Variants in CDH13 observed in about 807,000 individuals in gnomAD.
CDH13 encodes cadherin 13.
A neutral mutation model predicts 63.8 loss-of-function variants in CDH13; 24 were observed. The ratio of observed to expected loss-of-function variants is 0.38; its 90% CI spans 0.27 to 0.53. The LOEUF is 0.53. Ranked by LOEUF, CDH13 falls within the 20% of genes least tolerant of loss-of-function variation. The pLI, the probability that CDH13 is intolerant of heterozygous loss-of-function variation, is 0.85. For synonymous variants in CDH13, 503 were observed against 355.3 expected, an observed-to-expected ratio of 1.42 and a Z score of -4.67; for missense variants, 1,049 against 903.1, an observed-to-expected ratio of 1.16 and a Z score of -2.07.
intron 4 of CDH13, among the ~76,000 whole-genome samples, chr16:83,207,044 G>C (rs1014229113): frequency 1.3e-5 from 2 of 152,200 alleles, no homozygotes; most frequent in East Asian, 1.9e-4. Flanking sequence ...AGTTTAATCA[G>C]TTAATACTAG....
chr16:82,819,944 G>T (rs1047651564), intron 1 of CDH13, among the ~76,000 whole-genome samples: 1 of 152,128 alleles, frequency 6.6e-6, no homozygotes, highest in Non-Finnish European at 1.5e-5. Context: ...GGGATCCTAG[G>T]TGGAGCAACT....
At position 82,915,122 on chromosome 16, in the gene CDH13, G is replaced by A. The variant is rs1442615907; in HGVS notation, c.157+56649G>A. Reference sequence around the variant, plus strand: ...CTGAGACAGCTTAAACAGAACTCAAGCCTGGATGCTCTCTGCAAAATGGTC... The same window carrying A: ...CTGAGACAGCTTAAACAGAACTCAAACCTGGATGCTCTCTGCAAAATGGTC... On this transcript the variant is annotated intron_variant, in intron 2 of 13. Transcript: ENST00000567109. 2.0e-5 allele frequency among the ~76,000 whole-genome samples: 3 copies of A among 152,220 alleles called. No individual in the cohort carries two copies. The East Asian group carries it at 5.8e-4, about 29-fold the overall frequency.
At chr16:83,671,081 C>G in intron 9 of CDH13, 109 bp downstream of exon 9, 1 of 925,154 alleles carries the variant, frequency 1.1e-6, no homozygotes, top group Non-Finnish European at 1.6e-6. Flanking sequence ...TTCCCCCAGT[C>G]TCCTCCTTCT....
chr16:83,523,963 C>A (rs910436321), intron 7 of CDH13, among the ~76,000 whole-genome samples: 1 of 152,170 alleles, frequency 6.6e-6, no homozygotes, highest in Non-Finnish European at 1.5e-5. Flanking sequence ...CCTGGGCAAC[C>A]AAAGTCCCCA....
chr16:82,841,014 G>C (rs564079174), intron 1 of CDH13, among the ~76,000 whole-genome samples: 6 of 152,306 alleles, frequency 3.9e-5, no homozygotes, highest in African/African-American at 1.4e-4. Context: ...TTGACTATGA[G>C]GCAAACAGCA....
intron 5 of CDH13, among the ~76,000 whole-genome samples, chr16:83,317,787 G>A (rs966671676): frequency 2.0e-5 from 3 of 150,966 alleles, no homozygotes; most frequent in African/African-American, 4.9e-5. Flanking sequence ...GTGACAAAGC[G>A]AGACTCTGTC....
At chr16:83,375,990 T>C (rs1306032219) in intron 6 of CDH13, among the ~76,000 whole-genome samples, 1 of 152,160 alleles carries the variant, frequency 6.6e-6, no homozygotes, top group Non-Finnish European at 1.5e-5. Flanking sequence ...TTGCATCAGC[T>C]CATTTATTTA....
chr16:83,239,322 T>G (rs1180570919), intron 5 of CDH13, among the ~76,000 whole-genome samples: 1 of 152,176 alleles, frequency 6.6e-6, no homozygotes, highest in Non-Finnish European at 1.5e-5. Context: ...GCCTGGGCAC[T>G]TTGTCAAGGG....
intron 7 of CDH13, among the ~76,000 whole-genome samples, chr16:83,511,087 C>G (rs940010520): frequency 1.3e-4 from 7 of 54,750 alleles, no homozygotes; most frequent in African/African-American, 7.9e-4. Context: ...CACGCATGCA[C>G]ACACACATGC....
rs573948051 is a variant in CDH13 at position 83,534,256 on chromosome 16, C to T, written c.960+47601C>T. 9.2e-5 allele frequency among the ~76,000 whole-genome samples: 14 copies of T among 152,296 alleles called. No individual in the cohort carries two copies. The South Asian group carries it at 2.5e-3, about 27-fold the overall frequency. On this transcript the variant is annotated intron_variant, in intron 7 of 13. Transcript: ENST00000567109. ...GGAAGGTGGTCTGTTCATGGTGGTT[C>T]AGAGGCAGAGCTGTGGATCCTCACA...
intron 5 of CDH13, among the ~76,000 whole-genome samples, chr16:83,254,176 G>A (rs898018381): frequency 1.3e-5 from 2 of 152,192 alleles, no homozygotes; most frequent in Non-Finnish European, 2.9e-5. Flanking sequence ...AGGTGGTTAT[G>A]AGTCCTGTGA....
chr16:83,427,483 G>T (rs1204047902), intron 6 of CDH13, among the ~76,000 whole-genome samples: 1 of 152,096 alleles, frequency 6.6e-6, no homozygotes, highest in Non-Finnish European at 1.5e-5. Context: ...GAAGGTACCA[G>T]CCCCACTAAC....
chr16:82,916,876 G>T (rs988568777), intron 2 of CDH13, among the ~76,000 whole-genome samples: 1 of 152,102 alleles, frequency 6.6e-6, no homozygotes, highest in Non-Finnish European at 1.5e-5. Flanking sequence ...ACACATTTAG[G>T]TGTTCCTTAA....
intron 3 of CDH13, among the ~76,000 whole-genome samples, chr16:83,033,840 G>A (rs1350038516): frequency 6.6e-6 from 1 of 152,116 alleles, no homozygotes; most frequent in Non-Finnish European, 1.5e-5. Flanking sequence ...ACTTAATGAT[G>A]GCATGCCCCT....
intron 10 of CDH13, among the ~76,000 whole-genome samples, chr16:83,738,258 C>CG (rs901465232): frequency 1.3e-5 from 2 of 152,170 alleles, no homozygotes; most frequent in Non-Finnish European, 2.9e-5. Flanking sequence ...ACACCAAGCG[C>CG]GGTGCCTGGC....
At chr16:83,773,189 C>G (rs971550042) in intron 11 of CDH13, among the ~76,000 whole-genome samples, 1 of 152,110 alleles carries the variant, frequency 6.6e-6, no homozygotes, top group Non-Finnish European at 1.5e-5. Flanking sequence ...GGTTGCAAAA[C>G]TAGCAACAGG....
At chr16:83,075,097 G>C (rs1287489510) in intron 3 of CDH13, among the ~76,000 whole-genome samples, 1 of 152,082 alleles carries the variant, frequency 6.6e-6, no homozygotes, top group African/African-American at 2.4e-5. Context: ...CAATTCTGGG[G>C]GATGTTTCTC....
intron 4 of CDH13, among the ~76,000 whole-genome samples, chr16:83,163,297 A>G (rs1184139161): frequency 2.0e-5 from 3 of 152,074 alleles, no homozygotes; most frequent in Non-Finnish European, 2.9e-5. Flanking sequence ...TCACCTATGT[A>G]GGGAAACCTC....
intron 10 of CDH13, among the ~76,000 whole-genome samples, chr16:83,744,836 C>T (rs957059799): frequency 1.3e-5 from 2 of 152,210 alleles, no homozygotes; most frequent in Non-Finnish European, 2.9e-5. Flanking sequence ...GCCAGGCTCA[C>T]TGTTAGAACC....
Sources: gnomAD v4.1 joint callset for allele counts (sites outside exome capture counted in the v4.1 genomes callset) on GRCh38, gnomAD v4.1.1 for gene constraint, MANE v1.5 for transcripts, NCBI Gene and HGNC (gene_info 2026-07-23, HGNC 2026-07-21) for gene names.